The following SPACA3 variants were observed in gnomAD, a reference collection of about 807,000 sequenced individuals.
SPACA3 encodes the protein sperm acrosome associated 3, also known as sperm acrosome membrane-associated protein 3.
In SPACA3, 21 loss-of-function variants were observed where a neutral mutation model predicts 24.5. The ratio of observed to expected loss-of-function variants is 0.86; its 90% CI spans 0.61 to 1.24. The LOEUF (loss-of-function observed/expected upper bound fraction) is 1.24. SPACA3 is among the 50% of genes most tolerant of loss of function. The pLI is 0.00. For synonymous variants in SPACA3, 115 were observed against 106.9 expected, an observed-to-expected ratio of 1.08 and a Z score of -0.47; for missense variants, 278 against 275.5, an observed-to-expected ratio of 1.01 and a Z score of -0.06.
At chr17:32,993,178 A>G (rs1281911496) in intron 1 of SPACA3, among the ~76,000 whole-genome samples, 2 of 152,148 alleles carry the variant, frequency 1.3e-5, no homozygotes, top group East Asian at 1.9e-4. Flanking sequence ...CACATAAGGA[A>G]AGTCACAAGG....
intron 1 of SPACA3, chr17:32,992,818 G>A (rs2091697793): frequency 4.3e-6 from 2 of 461,276 alleles, no homozygotes; most frequent in East Asian, 6.9e-5. Context: ...TGGGCCGCAG[G>A]GCTGGGCTGT....
In SPACA3 at chr17:32,991,885, A is replaced by G; in HGVS notation, c.-54A>G. 6.2e-7 allele frequency: 1 copy of G among 1,613,156 alleles called. No individual in the cohort carries two copies. The highest frequency in any genetic ancestry group is 8.5e-7 in the Non-Finnish European group (1 of 1,179,438). ...TGGGGCCCTGGCAAGGTTGTGGGGG[A>G]CATCTTGAGCTGAAGCAGGGTTTTG... On this transcript the variant is annotated 5_prime_UTR_variant, in exon 1 of 5. Transcript: ENST00000269053.
chr17:32,996,317 C>T (rs964546035), intron 2 of SPACA3, among the ~76,000 whole-genome samples: 3 of 152,026 alleles, frequency 2.0e-5, no homozygotes, highest in South Asian at 2.1e-4. Context: ...GGCGAAACCC[C>T]GTCTCTACTA....
At chr17:32,997,344 TA>T (rs1273950241) in intron 3 of SPACA3, 100 bp from the exon 4 acceptor site, 525 of 604,060 alleles carry the variant, frequency 8.7e-4, no homozygotes, top group Middle Eastern at 1.9e-3. Flanking sequence ...TGTGTGTGTG[TA>T]GAGAGAGAGA....
Position 32,995,603 on chromosome 17 carries a change from C to A in SPACA3, c.229C>A (p.Leu77Met), listed in dbSNP as rs746650641. The change falls in exon 2 of 5, where the codon CTG (leucine) becomes ATG (methionine). Residue 77 changes from leucine (L) to methionine (M), a missense_variant. Leu to Met is a conservative substitution (Grantham distance 15). Coordinates refer to ENST00000269053, the MANE Select transcript of SPACA3 (RefSeq NM_173847.5). The part of the protein sequence containing the change: ...AGIMLLALVC[L>M]LSCLLPSSEA... ...GATCATGTTGTTGGCCCTGGTCTGT[C>A]TGCTCAGCTGCCTGCTACCCTCCAG... The A allele has an allele frequency of 6.2e-7, 1 of 1,614,238 alleles. No homozygotes were observed. Among genetic ancestry groups the A allele is most frequent in the Non-Finnish European group, 8.5e-7 (1 of 1,180,042 alleles).
chr17:32,992,914 T>G, intron 1 of SPACA3: 1 of 471,166 alleles, frequency 2.1e-6, no homozygotes, highest in African/African-American at 2.0e-5. Flanking sequence ...GCTTTTCATT[T>G]AACAAATTTG....
intron 3 of SPACA3, 58 bp downstream of exon 3, chr17:32,997,059 C>T (rs28904): frequency 1.4e-6 from 2 of 1,463,992 alleles, no homozygotes; most frequent in East Asian, 5.0e-5. Flanking sequence ...GCTTTTGTTC[C>T]ATTCCCAGTT....
chr17:32,994,327 G>A (rs189289274), intron 1 of SPACA3, among the ~76,000 whole-genome samples: 63 of 152,250 alleles, frequency 4.1e-4, no homozygotes, highest in African/African-American at 1.0e-3. Context: ...TGTTACTCAC[G>A]TCCTCATTTT....
Position 32,995,673 on chromosome 17 carries a change from A to G in SPACA3, c.299A>G (p.His100Arg), listed in dbSNP as rs28963. The G allele has an allele frequency of 1.0e-3, 1,630 of 1,614,208 alleles. 1 individual carries two copies. Among genetic ancestry groups the G allele is most frequent in the Non-Finnish European group, 1.3e-3 (1,523 of 1,180,034 alleles). The change falls in exon 2 of 5, where the codon CAT becomes CGT. Residue 100 changes from histidine (H) to arginine (R), a missense_variant. Physicochemically the swap from His to Arg is conservative, Grantham distance 29. Coordinates refer to ENST00000269053, the MANE Select transcript of SPACA3 (RefSeq NM_173847.5). ...CGTTGTGAACTGGCCAGAGTGCTAC[A>G]TGACTTCGGGCTGGACGGATACCGG... ...YGRCELARVL[H>R]DFGLDGYRGY...
rs140846693 is a variant in SPACA3, at chr17:32,997,344, T to TGTGTGTGTGTGTAGAG, written c.503-101_503-100insGTGTGTGTGTGTAGAG. 6.1e-4 allele frequency: 367 copies of TGTGTGTGTGTGTAGAG among 605,078 alleles called. 1 individual carries two copies. The highest frequency in any genetic ancestry group is 1.5e-3 in the African/African-American group (68 of 46,034). The allele number at this position is 605,078 out of a possible 1,614,324, so 37.5% of individuals were successfully genotyped here. ...GTGTGTGTGTGTGTGTGTGTGTGTG[T>TGTGTGTGTGTGTAGAG]AGAGAGAGAGAGAGAGACAGACAGA... On this transcript the variant is annotated intron_variant, in intron 3 of 4. Transcript: ENST00000269053.
intron 1 of SPACA3, among the ~76,000 whole-genome samples, chr17:32,993,248 T>C (rs559948011): frequency 5.8e-4 from 88 of 152,338 alleles, no homozygotes; most frequent in African/African-American, 1.9e-3. Context: ...TTGAGGTGCC[T>C]GCAGGGCATT....
rs375971544 is a variant in SPACA3, at chr17:32,997,429, C to T, written c.503-16C>T. 2 of 1,611,950 alleles carry T rather than the reference C, an allele frequency of 1.2e-6. No homozygotes were observed. Among genetic ancestry groups the T allele is most frequent in the Non-Finnish European group, 1.7e-6 (2 of 1,178,374 alleles). Reference sequence around the variant, plus strand: ...TCTCCTGTTCTCTCATTGTGTTTCTCTGCCTATCACCCCAGATTTGTTGAA... The same window carrying T: ...TCTCCTGTTCTCTCATTGTGTTTCTTTGCCTATCACCCCAGATTTGTTGAA... On this transcript the variant is annotated splice_polypyrimidine_tract_variant and intron_variant, in intron 3 of 4. Coordinates refer to ENST00000269053, the MANE Select transcript of SPACA3 (RefSeq NM_173847.5).
intron 4 of SPACA3, 38 bp downstream of exon 4, chr17:32,997,561 G>T: frequency 6.3e-7 from 1 of 1,587,404 alleles, no homozygotes; most frequent in South Asian, 1.1e-5. Context: ...GCGGTGGTAT[G>T]GTTAGGACTG....
intron 3 of SPACA3, 67 bp from the exon 4 acceptor site, chr17:32,997,378 C>A: frequency 1.3e-6 from 1 of 780,996 alleles, no homozygotes; most frequent in Non-Finnish European, 1.9e-6. Flanking sequence ...GATACACACT[C>A]ACACACACAC....
At chr17:32,992,448 A>G (rs187132808) in intron 1 of SPACA3, among the ~76,000 whole-genome samples, 37 of 152,210 alleles carry the variant, frequency 2.4e-4, no homozygotes, top group African/African-American at 8.4e-4. Context: ...CCTTTTGTGG[A>G]CTTGAGTTTC....
rs752862531 is a variant in SPACA3 at position 32,997,803 on chromosome 17, G to T, written c.*25G>T. On this transcript the variant is annotated 3_prime_UTR_variant, in exon 5 of 5. Coordinates refer to ENST00000269053, the MANE Select transcript of SPACA3 (RefSeq NM_173847.5). ...GGATGGACGGAACCATGCACAGCAG[G>T]CTGGGAAATGTGGTTTGGTTCCTGA... 39 of 1,613,478 alleles carry T rather than the reference G, an allele frequency of 2.4e-5. No individual in the cohort carries two copies. The East Asian group carries it at 8.5e-4, about 35-fold the overall frequency.
chr17:32,992,366 C>T (rs1195630961), intron 1 of SPACA3, among the ~76,000 whole-genome samples: 2 of 152,098 alleles, frequency 1.3e-5, no homozygotes, highest in Admixed American at 1.3e-4. Flanking sequence ...TGACAAACTC[C>T]ACCAGGTTGG....
At chr17:32,992,474 G>A (rs2091695565) in intron 1 of SPACA3, among the ~76,000 whole-genome samples, 1 of 152,202 alleles carries the variant, frequency 6.6e-6, no homozygotes, top group South Asian at 2.1e-4. Flanking sequence ...CAGCCACAGA[G>A]CAGCTACTCC....
chr17:32,995,791 C>A, intron 2 of SPACA3, 74 bp downstream of exon 2: 1 of 1,494,800 alleles, frequency 6.7e-7, no homozygotes, highest in South Asian at 1.3e-5. Context: ...CTCTCCTTCT[C>A]ATTCAAGGGC....
Sources: allele counts gnomAD v4.1 joint callset (sites outside exome capture counted in the v4.1 genomes callset), GRCh38; gene constraint gnomAD v4.1.1; transcripts MANE v1.5; gene names NCBI Gene and HGNC (gene_info 2026-07-23, HGNC 2026-07-21).